Variants in FBXO48 observed in about 807,000 individuals in gnomAD.
FBXO48 encodes the protein F-box only protein 48.
FBXO48 carries 12 observed loss-of-function variants against 14.3 expected under a neutral mutation model. The observed-to-expected ratio is 0.84, with a 90% CI of 0.54 to 1.36. The LOEUF (loss-of-function observed/expected upper bound fraction) is 1.36, where lower values mean the gene tolerates loss of function less well. Among genes scored for constraint, FBXO48 ranks in the 40% most tolerant of loss-of-function variants. FBXO48 has a pLI of 0.00. For synonymous variants in FBXO48, 53 were observed against 61.7 expected (o/e 0.86, Z 0.66); for missense variants, 177 against 179.1 (o/e 0.99, Z 0.07).
Position 68,465,137 on chromosome 2 carries a change from T to A in FBXO48, c.9A>T (p.Lys3Asn), listed in dbSNP as rs1675369171. 1 of 1,604,772 alleles carries A rather than the reference T, an allele frequency of 6.2e-7. No individual in the cohort carries two copies. Residue 3 changes from lysine to asparagine, a missense_variant, in exon 3 of 4, where the codon AAA becomes AAT. By Grantham distance (94) the Lys-to-Asn change is moderately conservative (BLOSUM62 0). Transcript: ENST00000377957. MH[K>N]NSKRNNNLRV... ...TTAAATTATTGTTTCTCTTGGAGTT[T>A]TTATGCATAGCTTAATGTTTTAAGT... is the stretch of plus-strand genomic sequence containing the variant.
rs551988704 is a variant in FBXO48, at chr2:68,466,459, A to C, written c.-349T>G. On this transcript the variant is annotated 5_prime_UTR_variant, in exon 2 of 4. It removes the in-frame stop codon of an upstream open reading frame in the 5' UTR. Transcript: ENST00000377957. ...GTGGCTGGAACTGCAGTCTGTGTTC[A>C]ACAGAGGTCTTCTTCTTGAGGGTTA... is the stretch of plus-strand genomic sequence containing the variant. 6.6e-6 allele frequency: 1 copy of C among 152,224 alleles called. No homozygotes were observed. The highest frequency in any genetic ancestry group is 6.5e-5 in the Admixed American group (1 of 15,298). 9.4% of individuals were successfully genotyped at this position (152,224 alleles called of 1,614,324 possible).
rs1051970421 is a variant in FBXO48 at position 68,460,118 on chromosome 2, T to C, written c.*4091A>G. The C allele has an allele frequency of 5.9e-5, 9 of 152,138 alleles. No homozygotes were observed. The highest frequency in any genetic ancestry group is 2.2e-4 in the African/African-American group (9 of 41,412). The allele number at this position is 152,138 out of a possible 1,614,324, so 9.4% of individuals were successfully genotyped here. ...CACATCATTAAAGGCCCTATGGGCT[T>C]TAGTGGGGAATTTTGATTTCTACCT... On this transcript the variant is annotated 3_prime_UTR_variant, in exon 4 of 4. Transcript: ENST00000377957.
chr2:68,464,985 C>T lies in FBXO48; in HGVS notation c.161G>A (p.Ser54Asn), dbSNP rs1185949413. ...FKIFSQLDIR[S>N]LCRASLTCRS... ...GCATGTCAATGAAGCCCTGCACAGA[C>T]TCCGAATGTCCAGCTGACTGAAAAT... The change falls in exon 3 of 4, where the codon AGT becomes AAT. Residue 54 changes from serine (S) to asparagine (N), a missense_variant. Physicochemically the swap from Ser to Asn is conservative, Grantham distance 46. Coordinates refer to ENST00000377957, the MANE Select transcript of FBXO48 (RefSeq NM_001024680.3). 6.2e-7 allele frequency: 1 copy of T among 1,613,876 alleles called. No homozygotes were observed. The highest frequency in any genetic ancestry group is 8.5e-7 in the Non-Finnish European group (1 of 1,180,036).
chr2:68,464,108 G>T lies in FBXO48; in HGVS notation c.*101C>A. 9.7e-7 allele frequency: 1 copy of T among 1,031,120 alleles called. No homozygotes were observed. The highest frequency in any genetic ancestry group is 1.4e-6 in the Non-Finnish European group (1 of 715,158). The allele number at this position is 1,031,120 out of a possible 1,614,324, so 63.9% of individuals were successfully genotyped here. ...TTCCATTTCATTTTCTTTTAAAAAG[G>T]TGAACAACAAAATGAACGAATAAAG... On this transcript the variant is annotated 3_prime_UTR_variant, in exon 4 of 4. Coordinates refer to ENST00000377957, the MANE Select transcript of FBXO48 (RefSeq NM_001024680.3).
Position 68,461,739 on chromosome 2 carries a change from T to TAA in FBXO48, c.*2468_*2469dup, listed in dbSNP as rs370586959. The TAA allele has an allele frequency of 8.9e-5, 12 of 135,304 alleles. No homozygotes were observed. Among genetic ancestry groups the TAA allele is most frequent in the South Asian group, 2.4e-4 (1 of 4,124 alleles). 8.4% of individuals were successfully genotyped at this position (135,304 alleles called of 1,614,324 possible). ...GGAGGCTGGGAAAAACAGGATAATG[T>TAA]AAAAAAAAAAAAACAAGAAAACAAA... On this transcript the variant is annotated 3_prime_UTR_variant, in exon 4 of 4. Transcript: ENST00000377957.
At chr2:68,465,620 G>C (rs1245892239) in intron 2 of FBXO48, among the ~76,000 whole-genome samples, 1 of 151,004 alleles carries the variant, frequency 6.6e-6, no homozygotes, top group African/African-American at 2.4e-5. Context: ...TTGAACTCTT[G>C]TCCTCAAGCA....
rs1197298375 is a variant in FBXO48, at chr2:68,467,287, G to T, written c.-437C>A. On this transcript the variant is annotated 5_prime_UTR_variant, in exon 1 of 4. Transcript: ENST00000377957. ...CCTTCCCCATAGCTCTTCGCATCCC[G>T]CCCACCTGAGTCCCGCCCTGCTCAG... 6.4e-6 allele frequency: 1 copy of T among 156,640 alleles called. No homozygotes were observed. The highest frequency in any genetic ancestry group is 1.4e-5 in the Non-Finnish European group (1 of 71,266). The allele number at this position is 156,640 out of a possible 1,614,324, so 9.7% of individuals were successfully genotyped here.
intron 2 of FBXO48, among the ~76,000 whole-genome samples, chr2:68,465,899 T>G (rs1164740314): frequency 1.3e-5 from 2 of 152,200 alleles, no homozygotes; most frequent in African/African-American, 4.8e-5. Flanking sequence ...CTATCTGAAA[T>G]GGACAAGAAG....
intron 2 of FBXO48, among the ~76,000 whole-genome samples, chr2:68,465,525 AAAAAAAAAAAAG>A (rs2103855879): frequency 6.6e-6 from 1 of 150,548 alleles, no homozygotes; most frequent in Non-Finnish European, 1.5e-5. Flanking sequence ...CCCTCTTTAA[AAAAAAAAAAAAG>A]AAAAAAAAAA....
At position 68,461,157 on chromosome 2, in the gene FBXO48, G is replaced by T. The variant is rs1212322429; in HGVS notation, c.*3052C>A. The T allele has an allele frequency of 1.3e-5, 2 of 152,146 alleles. No homozygotes were observed. The highest frequency in any genetic ancestry group is 1.3e-4 in the Admixed American group (2 of 15,286). The allele number at this position is 152,146 out of a possible 1,614,324, so 9.4% of individuals were successfully genotyped here. A position where few individuals can be genotyped will look rare whatever the true frequency, so the allele number is the denominator to read the frequency against. On this transcript the variant is annotated 3_prime_UTR_variant, in exon 4 of 4. Transcript: ENST00000377957. ...CCAGTATGATGGTGAAACTCAATTTGAATTAATTTAGGTAAGCAGATAAGG... is the reference window on the plus strand; with the variant it reads ...CCAGTATGATGGTGAAACTCAATTTTAATTAATTTAGGTAAGCAGATAAGG...
chr2:68,465,886 C>T (rs1445447623), intron 2 of FBXO48, among the ~76,000 whole-genome samples: 4 of 152,202 alleles, frequency 2.6e-5, no homozygotes, highest in Non-Finnish European at 5.9e-5. Flanking sequence ...TTTGACACAA[C>T]TACTATCTGA....
At position 68,459,445 on chromosome 2, in the gene FBXO48, T is replaced by C. The variant is rs1675219785; in HGVS notation, c.*4764A>G. On this transcript the variant is annotated 3_prime_UTR_variant, in exon 4 of 4. Transcript: ENST00000377957. ...GATATTTTTGAGGTTAAGTTTATTT[T>C]CAAGAGTTCAAAACAATAAAACAAA... 6.6e-6 allele frequency: 1 copy of C among 152,216 alleles called. No individual in the cohort carries two copies. 9.4% of individuals were successfully genotyped at this position (152,216 alleles called of 1,614,324 possible).
intron 2 of FBXO48, among the ~76,000 whole-genome samples, chr2:68,465,701 C>T (rs1675389953): frequency 6.6e-6 from 1 of 152,032 alleles, no homozygotes; most frequent in African/African-American, 2.4e-5. Context: ...ACTTTTGTAC[C>T]TTTGAAAATG....
intron 2 of FBXO48, 134 bp from the exon 3 acceptor site, chr2:68,465,312 C>A: frequency 1.7e-6 from 1 of 598,782 alleles, no homozygotes; most frequent in Non-Finnish European, 2.9e-6. Flanking sequence ...TGGGCCAATG[C>A]TGCCGCTCTC....
Position 68,461,749 on chromosome 2 carries a change from A to AG in FBXO48, c.*2459_*2460insC, listed in dbSNP as rs1448420882. The stretch of plus-strand genomic sequence containing the variant: ...AAAAACAGGATAATGTAAAAAAAAA[A>AG]AAACAAGAAAACAAAAAACCCAGCT... On this transcript the variant is annotated 3_prime_UTR_variant, in exon 4 of 4. Coordinates refer to ENST00000377957, the MANE Select transcript of FBXO48 (RefSeq NM_001024680.3). 1 of 151,902 alleles carries AG rather than the reference A, an allele frequency of 6.6e-6. No homozygotes were observed. The highest frequency in any genetic ancestry group is 1.9e-4 in the East Asian group (1 of 5,184). The allele number at this position is 151,902 out of a possible 1,614,324, so 9.4% of individuals were successfully genotyped here.
rs1675255012 is a variant in FBXO48, at chr2:68,461,282, G to GTTTTTTTT, written c.*2926_*2927insAAAAAAAA. On this transcript the variant is annotated 3_prime_UTR_variant, in exon 4 of 4. Transcript: ENST00000377957. ...ATTCTCTTACTTAAGATCCGTTTTC[G>GTTTTTTTT]TTTTCTTTTTTTTTTTTTTTTTTTT... 2.3e-5 allele frequency: 3 copies of GTTTTTTTT among 128,340 alleles called. No individual in the cohort carries two copies. The highest frequency in any genetic ancestry group is 1.1e-4 in the African/African-American group (3 of 26,540). 8.0% of individuals were successfully genotyped at this position (128,340 alleles called of 1,614,324 possible).
Position 68,461,143 on chromosome 2 carries a change from G to T in FBXO48, c.*3066C>A, listed in dbSNP as rs916013198. 2.6e-5 allele frequency: 4 copies of T among 152,146 alleles called. No homozygotes were observed. The highest frequency in any genetic ancestry group is 7.2e-5 in the African/African-American group (3 of 41,428). 9.4% of individuals were successfully genotyped at this position (152,146 alleles called of 1,614,324 possible). On this transcript the variant is annotated 3_prime_UTR_variant, in exon 4 of 4. Transcript: ENST00000377957. Reference sequence around the variant, plus strand: ...ATCAGGTGGGGGTCCCAGTATGATGGTGAAACTCAATTTGAATTAATTTAG... The same window carrying T: ...ATCAGGTGGGGGTCCCAGTATGATGTTGAAACTCAATTTGAATTAATTTAG...
In FBXO48 at chr2:68,460,268, C is replaced by T. The variant is rs1675229893; in HGVS notation, c.*3941G>A. The T allele has an allele frequency of 6.6e-6, 1 of 151,978 alleles. No homozygotes were observed. The highest frequency in any genetic ancestry group is 6.6e-5 in the Admixed American group (1 of 15,254). The allele number at this position is 151,978 out of a possible 1,614,324, so 9.4% of individuals were successfully genotyped here. On this transcript the variant is annotated 3_prime_UTR_variant, in exon 4 of 4. Transcript: ENST00000377957. ...ACCAGTAAGAGGTTATTTTAGAAAT[C>T]CCAATGTCAAATAAGGACAAGAATT...
rs747170604 is a variant in FBXO48 at position 68,465,020 on chromosome 2, G to A, written c.126C>T (p.Ile42=). 11 of 1,613,830 alleles carry A rather than the reference G, an allele frequency of 6.8e-6. No individual in the cohort carries two copies. In the East Asian group the frequency reaches 2.5e-4, roughly 36 times the overall value. ...NNFFELLPAE[I]TFKIFSQLDI... is the part of the protein sequence containing the mutation. ...CCAGCTGACTGAAAATTTTAAAAGT[G>A]ATTTCTGCAGGCAGCAGTTCAAAAA... The change falls in exon 3 of 4, where the codon ATC becomes ATT. Residue 42 remains isoleucine, a synonymous_variant. Coordinates refer to ENST00000377957, the MANE Select transcript of FBXO48 (RefSeq NM_001024680.3).
Sources: gnomAD v4.1 joint callset for allele counts (sites outside exome capture counted in the v4.1 genomes callset) on GRCh38, gnomAD v4.1.1 for gene constraint, MANE v1.5 for transcripts, NCBI Gene and HGNC (gene_info 2026-07-23, HGNC 2026-07-21) for gene names.